Variants in TTC21A observed in about 807,000 individuals in gnomAD.
TTC21A encodes the protein tetratricopeptide repeat protein 21A.
In TTC21A, 128 loss-of-function variants were observed where a neutral mutation model predicts 156.4. The ratio of observed to expected loss-of-function variants is 0.82; its 90% CI spans 0.71 to 0.95. The LOEUF is 0.95. Ranked by LOEUF, TTC21A falls within the 40% of genes least tolerant of loss-of-function variation. The pLI is 0.00. For missense variants in TTC21A, 1,435 were observed against 1,602.3 expected (o/e 0.90, Z 1.78); for synonymous variants, 587 against 617.1 (o/e 0.95, Z 0.72).
Position 39,128,850 on chromosome 3 carries a change from T to A in TTC21A, c.1814T>A (p.Phe605Tyr). The A allele has an allele frequency of 6.2e-7, 1 of 1,614,170 alleles. No homozygotes were observed. The highest frequency in any genetic ancestry group is 8.5e-7 in the Non-Finnish European group (1 of 1,180,040). ...CTGAAGAAGGAAGAAGGCAGAAAGT[T>A]CCTCAGGCCCTCTGTGCAGCCTAGC... Reference protein sequence around the residue: ...PALKKEEGRKFLRPSVQPSQR... With the variant: ...PALKKEEGRKYLRPSVQPSQR... The change falls in exon 14 of 29, where the codon TTC (phenylalanine) becomes TAC (tyrosine). Residue 605 changes from phenylalanine (F) to tyrosine (Y), a missense_variant. Physicochemically the swap from Phe to Tyr is conservative, Grantham distance 22 (BLOSUM62 3). Transcript: ENST00000683103.
At chr3:39,126,031 A>T (rs745370027) in intron 11 of TTC21A, among the ~76,000 whole-genome samples, 2 of 152,196 alleles carry the variant, frequency 1.3e-5, no homozygotes, top group Non-Finnish European at 2.9e-5. Flanking sequence ...ATATTTATTG[A>T]GTGCATTACT....
At chr3:39,117,968 G>A in intron 6 of TTC21A, 101 bp from the exon 7 acceptor site, 1 of 824,904 alleles carries the variant, frequency 1.2e-6, no homozygotes, top group Non-Finnish European at 2.1e-6. Flanking sequence ...TAAAAGAAGA[G>A]GGGAGAATGG....
chr3:39,132,541 G>A (rs1338910456), intron 19 of TTC21A, among the ~76,000 whole-genome samples: 4 of 152,256 alleles, frequency 2.6e-5, no homozygotes, highest in East Asian at 1.9e-4. Flanking sequence ...TTTGGCCCTC[G>A]GGGAGCCAAG....
rs756861336 is a variant in TTC21A, at chr3:39,110,919, C to G, written c.337C>G (p.Leu113Val). The G allele has an allele frequency of 1.2e-6, 2 of 1,614,088 alleles. No individual in the cohort carries two copies. Among genetic ancestry groups the G allele is most frequent in the East Asian group, 4.5e-5 (2 of 44,892 alleles). Reference protein sequence around the residue: ...EIRKTVSGTALYYAGLFLWLI... With the variant: ...EIRKTVSGTAVYYAGLFLWLI... ...ACGCAAGACAGTCAGTGGGACTGCA[C>G]TGTACTATGCTGGCCTTTTCCTCTG... Residue 113 changes from leucine (L) to valine (V), a missense_variant, in exon 4 of 29, where the codon CTG becomes GTG. Transcript: ENST00000683103.
At chr3:39,109,009 A>C in intron 1 of TTC21A, 76 bp from the exon 2 acceptor site, 2 of 1,506,868 alleles carry the variant, frequency 1.3e-6, no homozygotes, top group Non-Finnish European at 1.8e-6. Context: ...GGAAGGGAGC[A>C]GGTCTCATCC....
chr3:39,126,178 C>T (rs2038219118), intron 11 of TTC21A, 83 bp from the exon 12 acceptor site: 1 of 1,553,908 alleles, frequency 6.4e-7, no homozygotes, highest in Non-Finnish European at 8.8e-7. Context: ...AATTCCTTCA[C>T]TGAGAGCATT....
At position 39,138,784 on chromosome 3, in the gene TTC21A, C is replaced by G. The variant is rs2039334590; in HGVS notation, c.3938C>G (p.Pro1313Arg). The G allele has an allele frequency of 6.2e-7, 1 of 1,613,898 alleles. No homozygotes were observed. Among genetic ancestry groups the G allele is most frequent in the Non-Finnish European group, 8.5e-7 (1 of 1,179,862 alleles). The change falls in exon 29 of 29, where the codon CCC (proline) becomes CGC (arginine). Residue 1313 changes from proline (P) to arginine (R), a missense_variant. Coordinates refer to ENST00000683103, the MANE Select transcript of TTC21A (RefSeq NM_001366900.1). ...ILEKARRSLR[P>R] ...GAAAAGGCCCGAAGGTCCCTGAGGC[C>G]CTAGCTGGGGTCAAGGGGCCTGGAC...
Position 39,109,192 on chromosome 3 carries a change from A to C in TTC21A, c.135A>C (p.Lys45Asn). 6.2e-7 allele frequency: 1 copy of C among 1,613,950 alleles called. No individual in the cohort carries two copies. Among genetic ancestry groups the C allele is most frequent in the Non-Finnish European group, 8.5e-7 (1 of 1,179,824 alleles). The change falls in exon 2 of 29, where the codon AAA (lysine) becomes AAC (asparagine). Residue 45 changes from lysine (K) to asparagine (N), a missense_variant. By Grantham distance (94) the Lys-to-Asn change is moderately conservative (BLOSUM62 0). Transcript: ENST00000683103. ...FSNDPVLKFF[K>N]AYGVLKEEHI... ...ATGACCCTGTGTTGAAGTTCTTTAA[A>C]GCCTATGGAGTCCTCAAAGAAGGTA...
At chr3:39,138,210 C>T in intron 26 of TTC21A, 57 bp from the exon 27 acceptor site, 5 of 1,609,898 alleles carry the variant, frequency 3.1e-6, no homozygotes, top group Non-Finnish European at 4.2e-6. Context: ...CCACCCTGGC[C>T]CAGGGAACCA....
chr3:39,110,867 G>A lies in TTC21A; in HGVS notation c.285G>A (p.Gln95=), dbSNP rs1045319865. ...RCEIIDREAI[Q]ELEYSLKEIR... ...GATTTACAGACCGAGAAGCAATTCAGGAGCTTGAGTACAGCCTGAAGGAAA... is the reference window on the plus strand; with the variant it reads ...GATTTACAGACCGAGAAGCAATTCAAGAGCTTGAGTACAGCCTGAAGGAAA... Residue 95 remains glutamine (Q), a synonymous_variant, in exon 4 of 29, where the codon CAG becomes CAA. Coordinates refer to ENST00000683103, the MANE Select transcript of TTC21A (RefSeq NM_001366900.1). The A allele has an allele frequency of 1.2e-6, 2 of 1,613,978 alleles. No individual in the cohort carries two copies. The highest frequency in any genetic ancestry group is 1.7e-6 in the Non-Finnish European group (2 of 1,180,018).
chr3:39,108,834 C>T (rs1212729257), intron 1 of TTC21A, among the ~76,000 whole-genome samples: 1 of 152,242 alleles, frequency 6.6e-6, no homozygotes, highest in Non-Finnish European at 1.5e-5. Flanking sequence ...AATTCCCCAT[C>T]ATAGTTGAAC....
chr3:39,112,526 GT>G lies in TTC21A; in HGVS notation c.505del (p.Tyr169ThrfsTer15). ...CCCACACTGCGAAGAAAGCCATTGA[GT>G]ACCTGGAACAAGGAATTCAGGACAC... is the stretch of plus-strand genomic sequence containing the variant. ...KPHTAKKAIEYLEQGIQDTKD... is the reference protein window; with the variant it reads ...KPHTAKKAIEXLEQGIQDTKD... On this transcript the variant is annotated frameshift_variant, in exon 5 of 29. Coordinates refer to ENST00000683103, the MANE Select transcript of TTC21A (RefSeq NM_001366900.1). LOFTEE classifies it high-confidence loss of function. 6.2e-7 allele frequency: 1 copy of G among 1,614,178 alleles called. No individual in the cohort carries two copies. The highest frequency in any genetic ancestry group is 2.2e-5 in the East Asian group (1 of 44,888).
Position 39,138,557 on chromosome 3 carries a change from C to G in TTC21A, c.3798C>G (p.Gly1266=). The change falls in exon 28 of 29, where the codon GGC becomes GGG. Residue 1266 remains glycine (G), a splice_region_variant and synonymous_variant. Transcript: ENST00000683103. The part of the protein sequence containing the change: ...KYSHHANPAI[G]FKLAFNYLKD... ...CTTTGCTCTCCATGTCCCCGGTAGG[C>G]TTCAAACTTGCTTTCAACTACCTGA... The G allele has an allele frequency of 6.2e-7, 1 of 1,614,212 alleles. No homozygotes were observed. Among genetic ancestry groups the G allele is most frequent in the Non-Finnish European group, 8.5e-7 (1 of 1,180,032 alleles).
chr3:39,134,501 G>A lies in TTC21A; in HGVS notation c.2862+173G>A. On this transcript the variant is annotated intron_variant, in intron 21 of 28. Transcript: ENST00000683103. This position sits in a 1 kb window ranked among gnomAD's most constrained non-coding sequence, Gnocchi z 4.6. ...GCTGCACCTACTCTGCCCTTTAGCCGGAAGCGGTAGGCTGGCTGGCAGTGG... is the reference window on the plus strand; with the variant it reads ...GCTGCACCTACTCTGCCCTTTAGCCAGAAGCGGTAGGCTGGCTGGCAGTGG... 1.0e-5 allele frequency: 7 copies of A among 679,306 alleles called. No homozygotes were observed. Among genetic ancestry groups the A allele is most frequent in the South Asian group, 6.2e-5 (4 of 64,636 alleles). 42.1% of individuals were successfully genotyped at this position (679,306 alleles called of 1,614,324 possible).
chr3:39,138,193 C>A, intron 26 of TTC21A, 74 bp from the exon 27 acceptor site: 1 of 1,601,648 alleles, frequency 6.2e-7, no homozygotes, highest in South Asian at 1.1e-5. Context: ...TGGTTCTGGT[C>A]CCAGTCCCAC....
chr3:39,138,675 G>A (rs768055534), intron 28 of TTC21A, 36 bp from the exon 29 acceptor site: 1 of 1,613,774 alleles, frequency 6.2e-7, no homozygotes, highest in African/African-American at 1.3e-5. Flanking sequence ...GGGGAAACCT[G>A]CATGATACTG....
At position 39,120,021 on chromosome 3, in the gene TTC21A, G is replaced by GT; in HGVS notation, c.900+2dup. 1 of 1,589,074 alleles carries GT rather than the reference G, an allele frequency of 6.3e-7. No individual in the cohort carries two copies. The highest frequency in any genetic ancestry group is 8.6e-7 in the Non-Finnish European group (1 of 1,158,684). On this transcript the variant is annotated splice_donor_variant, in intron 8 of 28. Transcript: ENST00000683103. LOFTEE classifies it high-confidence loss of function. ...AAAAATTATTGTGGTTAGCCGACTGGTAAGAAGGTTCTTTCCTGGTTCTGA... is the reference window on the plus strand; with the variant it reads ...AAAAATTATTGTGGTTAGCCGACTGGTTAAGAAGGTTCTTTCCTGGTTCTGA...
rs761539705 is a variant in TTC21A, at chr3:39,114,737, A to G, written c.711A>G (p.Gly237=). The G allele has an allele frequency of 9.9e-6, 16 of 1,614,106 alleles. No individual in the cohort carries two copies. Among genetic ancestry groups the G allele is most frequent in the Middle Eastern group, 3.3e-4 (2 of 6,084 alleles). The stretch of plus-strand genomic sequence containing the variant: ...ACTGGGAGCAGACAGTAGAAATGGG[A>G]CACAGGTGAGCTACTGCACAAATGG... ...RQDWEQTVEM[G]HRILEKDESN... is the part of the protein sequence containing the mutation. Residue 237 remains glycine (G), a synonymous_variant, in exon 6 of 29, where the codon GGA becomes GGG. Coordinates refer to ENST00000683103, the MANE Select transcript of TTC21A (RefSeq NM_001366900.1).
Position 39,137,695 on chromosome 3 carries a change from T to C in TTC21A, c.3660T>C (p.Cys1220=). Residue 1220 remains cysteine, a synonymous_variant, in exon 26 of 29, where the codon TGT becomes TGC. Coordinates refer to ENST00000683103, the MANE Select transcript of TTC21A (RefSeq NM_001366900.1). ...TCGCCTTAGAACTGCTGCGGCGCTG[T>C]GTGCAATACAACAAGGCAAGGAGCC... ...FDLALELLRR[C]VQYNKSCYKA... The C allele has an allele frequency of 6.2e-7, 1 of 1,612,692 alleles. No individual in the cohort carries two copies. The highest frequency in any genetic ancestry group is 1.1e-5 in the South Asian group (1 of 90,918).
Sources: gnomAD v4.1 joint callset for allele counts (sites outside exome capture counted in the v4.1 genomes callset) on GRCh38, gnomAD v4.1.1 for gene constraint, Gnocchi (gnomAD v3.1) non-coding constraint, MANE v1.5 for transcripts, NCBI Gene and HGNC (gene_info 2026-07-23, HGNC 2026-07-21) for gene names.